Variants in CEP85L observed in about 807,000 individuals in gnomAD.
The protein encoded by CEP85L is centrosomal protein of 85 kDa-like.
CEP85L carries 60 observed loss-of-function variants against 100.3 expected under a neutral mutation model. That is an observed-to-expected ratio of 0.60 (90% CI 0.49 to 0.74). CEP85L has a LOEUF of 0.74. Ranked by LOEUF, CEP85L falls within the 30% of genes least tolerant of loss-of-function variation. The probability of loss-of-function intolerance (pLI) is 0.00; values close to 1 mark genes in which losing one functional copy is unlikely to be tolerated. For missense variants in CEP85L, 973 were observed against 936.2 expected, an observed-to-expected ratio of 1.04 and a Z score of -0.51; for synonymous variants, 319 against 322.7, an observed-to-expected ratio of 0.99 and a Z score of 0.12.
At chr6:118,649,787 T>G (rs9489484) in intron 1 of CEP85L, among the ~76,000 whole-genome samples, 4,395 of 152,262 alleles carry the variant, frequency 0.029, 107 homozygotes, top group African/African-American at 0.056. Flanking sequence ...CATGCCTACA[T>G]TAAATTTCAG....
At chr6:118,552,825 C>T (rs1583032075) in intron 3 of CEP85L, among the ~76,000 whole-genome samples, 1 of 152,052 alleles carries the variant, frequency 6.6e-6, no homozygotes, top group East Asian at 1.9e-4. Flanking sequence ...TCTGTGGATA[C>T]TTTCCTGCCT....
At chr6:118,544,030 A>G (rs969756296) in intron 3 of CEP85L, among the ~76,000 whole-genome samples, 1 of 152,224 alleles carries the variant, frequency 6.6e-6, no homozygotes, top group African/African-American at 2.4e-5. Context: ...AAAAGGTATG[A>G]GCCTCCAATT....
intron 2 of CEP85L, among the ~76,000 whole-genome samples, chr6:118,582,565 T>C (rs1360351252): frequency 6.6e-6 from 1 of 152,192 alleles, no homozygotes; most frequent in East Asian, 1.9e-4. Flanking sequence ...CGGACAACCC[T>C]GATTGGAACC....
intron 1 of CEP85L, among the ~76,000 whole-genome samples, chr6:118,698,252 T>C (rs1182972850): frequency 6.6e-6 from 1 of 152,234 alleles, no homozygotes; most frequent in African/African-American, 2.4e-5. Context: ...AACTCACATG[T>C]CATGCAACAC....
chr6:118,623,062 T>C (rs1041696828), intron 2 of CEP85L, among the ~76,000 whole-genome samples: 2 of 152,152 alleles, frequency 1.3e-5, no homozygotes, highest in African/African-American at 4.8e-5. Flanking sequence ...AGCCAGCCAG[T>C]GGAAAATACT....
upstream of CEP85L, among the ~76,000 whole-genome samples, chr6:118,655,217 T>A (rs2115396356): frequency 6.6e-6 from 1 of 152,300 alleles, no homozygotes; most frequent in South Asian, 2.1e-4. Flanking sequence ...AAGTCCCTGA[T>A]TCCTGGGAGG....
intron 1 of CEP85L, among the ~76,000 whole-genome samples, chr6:118,657,906 T>C (rs1775851736): frequency 6.6e-6 from 1 of 152,240 alleles, no homozygotes; most frequent in Non-Finnish European, 1.5e-5. Context: ...GTTTTCATAG[T>C]AGCTTCCTTA....
chr6:118,610,830 T>A (rs1415577250), intron 2 of CEP85L, among the ~76,000 whole-genome samples: 1 of 152,102 alleles, frequency 6.6e-6, no homozygotes, highest in African/African-American at 2.4e-5. Flanking sequence ...ACAGCAGATT[T>A]GTCATCAGAA....
intron 2 of CEP85L, among the ~76,000 whole-genome samples, chr6:118,581,884 C>T (rs1562282132): frequency 6.6e-6 from 1 of 152,056 alleles, no homozygotes; most frequent in Admixed American, 6.6e-5. Flanking sequence ...AAACCTGGCC[C>T]GCTGCGGGGA....
intron 1 of CEP85L, among the ~76,000 whole-genome samples, chr6:118,667,880 A>T (rs1324773843): frequency 6.6e-6 from 1 of 152,178 alleles, no homozygotes; most frequent in Admixed American, 6.5e-5. Context: ...AAAGCTGAGA[A>T]TTCAGTTCCA....
chr6:118,578,590 G>A (rs577209076), intron 2 of CEP85L, among the ~76,000 whole-genome samples: 29 of 152,176 alleles, frequency 1.9e-4, no homozygotes, highest in Non-Finnish European at 3.2e-4. Context: ...TTAGCTGGGC[G>A]TGGTGGTGGG....
rs781209453 is a variant in CEP85L at position 118,483,700 on chromosome 6, T to C, written c.1590+6A>G. On this transcript the variant is annotated splice_donor_region_variant and intron_variant, in intron 7 of 12. Transcript: ENST00000368491. ...ATTTAAAGATAAGCATTTTATTTCA[T>C]GTTACCTGTAGACTCTGACTCTGTA... The C allele has an allele frequency of 3.8e-6, 6 of 1,599,860 alleles. No individual in the cohort carries two copies. The highest frequency in any genetic ancestry group is 5.1e-6 in the Non-Finnish European group (6 of 1,176,026).
chr6:118,698,391 C>T (rs902570580), intron 1 of CEP85L, among the ~76,000 whole-genome samples: 19 of 152,064 alleles, frequency 1.2e-4, no homozygotes, highest in South Asian at 1.0e-3. Context: ...TCAGCATATC[C>T]CTGGATGATG....
intron 2 of CEP85L, among the ~76,000 whole-genome samples, chr6:118,613,019 G>A (rs1772754065): frequency 6.6e-6 from 1 of 151,968 alleles, no homozygotes; most frequent in Non-Finnish European, 1.5e-5. Flanking sequence ...AGGAGTTTGA[G>A]ACCAGCCTGA....
intron 1 of CEP85L, among the ~76,000 whole-genome samples, chr6:118,692,388 A>G (rs1777073058): frequency 6.6e-6 from 1 of 152,140 alleles, no homozygotes; most frequent in Admixed American, 6.5e-5. Context: ...TATGGGACAA[A>G]GCACTGAAAG....
Position 118,566,201 on chromosome 6 carries a change from T to A in CEP85L, c.348A>T (p.Glu116Asp). 1 of 1,614,186 alleles carries A rather than the reference T, an allele frequency of 6.2e-7. No homozygotes were observed. Among genetic ancestry groups the A allele is most frequent in the Non-Finnish European group, 8.5e-7 (1 of 1,180,024 alleles). ...ATTTTGAGCCATCTGGTGTCAATGATTCCCTAAGTTTGGAAATTGAAGCGC... is the reference window on the plus strand; with the variant it reads ...ATTTTGAGCCATCTGGTGTCAATGAATCCCTAAGTTTGGAAATTGAAGCGC... ...NSSASISKLR[E>D]SLTPDGSKWS... is the part of the protein sequence containing the mutation. The change falls in exon 3 of 13, where the codon GAA becomes GAT. Residue 116 changes from glutamate (E) to aspartate (D), a missense_variant. By Grantham distance (45) the Glu-to-Asp change is conservative. This residue lies in a region of CEP85L where 890 missense variants were observed against 844.5 expected (regional missense o/e 1.05). Coordinates refer to ENST00000368491, the MANE Select transcript of CEP85L (RefSeq NM_001042475.3).
chr6:118,546,633 A>G (rs897390687), intron 3 of CEP85L, among the ~76,000 whole-genome samples: 2 of 152,134 alleles, frequency 1.3e-5, no homozygotes, highest in Non-Finnish European at 2.9e-5. Context: ...GCATGCCAAC[A>G]GATTAGGAAT....
chr6:118,566,205 CTA>C lies in CEP85L; in HGVS notation c.342_343del (p.Arg115GlyfsTer23). 1.2e-6 allele frequency: 2 copies of C among 1,614,104 alleles called. No homozygotes were observed. The highest frequency in any genetic ancestry group is 1.7e-6 in the Non-Finnish European group (2 of 1,180,016). On this transcript the variant is annotated frameshift_variant, in exon 3 of 13. Coordinates refer to ENST00000368491, the MANE Select transcript of CEP85L (RefSeq NM_001042475.3). LOFTEE classifies it high-confidence loss of function. ...TGAGCCATCTGGTGTCAATGATTCC[CTA>C]AGTTTGGAAATTGAAGCGCTGGAAT...
intron 7 of CEP85L, among the ~76,000 whole-genome samples, chr6:118,483,349 A>G (rs1399237546): frequency 6.6e-6 from 1 of 152,156 alleles, no homozygotes; most frequent in Non-Finnish European, 1.5e-5. Context: ...ATCTAGAAAG[A>G]TAGTCAACAA....
Sources: allele counts gnomAD v4.1 joint callset (sites outside exome capture counted in the v4.1 genomes callset), GRCh38; gene constraint gnomAD v4.1.1; regional missense constraint gnomAD v4.1.1; transcripts MANE v1.5; gene names NCBI Gene and HGNC (gene_info 2026-07-23, HGNC 2026-07-21).